BICD1: variants seen among roughly 807,000 people sequenced by gnomAD.
BICD1 encodes the protein protein bicaudal D homolog 1.
A neutral mutation model predicts 92.5 loss-of-function variants in BICD1; 35 were observed. The ratio of observed to expected loss-of-function variants is 0.38; its 90% CI spans 0.29 to 0.50. BICD1 has a LOEUF of 0.50. Ranked by LOEUF, BICD1 falls within the 20% of genes least tolerant of loss-of-function variation. BICD1 has a pLI of 0.93. For missense variants in BICD1, 950 were observed against 1,189.8 expected, an observed-to-expected ratio of 0.80 and a Z score of 2.97; for synonymous variants, 429 against 465.1, an observed-to-expected ratio of 0.92 and a Z score of 1.00.
At position 32,144,780 on chromosome 12, in the gene BICD1, A is replaced by G. The variant is rs370678790; in HGVS notation, c.213+37236A>G. On this transcript the variant is annotated intron_variant, in intron 1 of 9. Coordinates refer to ENST00000652176, the MANE Select transcript of BICD1 (RefSeq NM_001714.4). ...AGATTGAGATTCAAATATTAATCCAAACTACTCAGAATCACTTTCTCTTCC... is the reference window on the plus strand; with the variant it reads ...AGATTGAGATTCAAATATTAATCCAGACTACTCAGAATCACTTTCTCTTCC... Among the ~76,000 whole-genome samples, 3 of 152,366 alleles carry G rather than the reference A, an allele frequency of 2.0e-5. No homozygotes were observed. In the East Asian group the frequency reaches 5.8e-4, roughly 29 times the overall value.
chr12:32,158,095 GTTTTTTT>G (rs555722768), intron 1 of BICD1, among the ~76,000 whole-genome samples: 1 of 143,528 alleles, frequency 7.0e-6, no homozygotes, highest in African/African-American at 2.6e-5. Flanking sequence ...GAGCCTAGGG[GTTTTTTT>G]TTTCTTTTTT....
intron 2 of BICD1, among the ~76,000 whole-genome samples, chr12:32,246,794 C>T (rs934161554): frequency 5.3e-5 from 8 of 152,116 alleles, no homozygotes; most frequent in Non-Finnish European, 7.4e-5. Flanking sequence ...CAGCAAAAAA[C>T]AAGACAAAAC....
At chr12:32,166,230 G>A (rs1193924533) in intron 1 of BICD1, among the ~76,000 whole-genome samples, 1 of 151,820 alleles carries the variant, frequency 6.6e-6, no homozygotes, top group Non-Finnish European at 1.5e-5. Flanking sequence ...CTGTTTCCTG[G>A]GTTCAAGCGA....
intron 2 of BICD1, among the ~76,000 whole-genome samples, chr12:32,232,897 G>A (rs1388022595): frequency 2.0e-5 from 3 of 152,116 alleles, no homozygotes; most frequent in Non-Finnish European, 2.9e-5. Context: ...AGAAGGGGCC[G>A]AAACTTCTGG....
At chr12:32,369,015 G>C (rs1214329245) in intron 9 of BICD1, among the ~76,000 whole-genome samples, 1 of 152,212 alleles carries the variant, frequency 6.6e-6, no homozygotes, top group African/African-American at 2.4e-5. Context: ...AACTGAATTT[G>C]AAAGGTGGAG....
rs201830478 is a variant in BICD1 at position 32,337,695 on chromosome 12, G to C, written c.2449G>C (p.Gly817Arg). 1 of 1,614,146 alleles carries C rather than the reference G, an allele frequency of 6.2e-7. No individual in the cohort carries two copies. The highest frequency in any genetic ancestry group is 2.2e-5 in the East Asian group (1 of 44,880). Residue 817 changes from glycine to arginine, a missense_variant, in exon 7 of 10, where the codon GGC (glycine) becomes CGC (arginine). By Grantham distance (125) the Gly-to-Arg change is moderately radical. Around this residue, in one of 5 missense-constraint regions of BICD1, gnomAD observed 309 missense variants for 499.4 expected, o/e 0.62. Transcript: ENST00000652176. The surrounding 1 kb of genome is among the most constrained non-coding windows in gnomAD (Gnocchi z 4.7). Reference protein sequence around the residue: ...SKGKLGKSKIGSPKVSGEASV... With the variant: ...SKGKLGKSKIRSPKVSGEASV... Reference sequence around the variant, plus strand: ...AGGCAAACTTGGAAAGAGCAAGATCGGCAGCCCTAAAGTAAGTGGGGAGGC... The same window carrying C: ...AGGCAAACTTGGAAAGAGCAAGATCCGCAGCCCTAAAGTAAGTGGGGAGGC...
intron 2 of BICD1, among the ~76,000 whole-genome samples, chr12:32,283,363 C>CTCCAT (rs998056062): frequency 5.4e-5 from 8 of 147,580 alleles, no homozygotes; most frequent in African/African-American, 1.0e-4. Context: ...CATTTGACCA[C>CTCCAT]TCCACTCCAC....
intron 1 of BICD1, among the ~76,000 whole-genome samples, chr12:32,165,827 A>G (rs1810739053): frequency 6.6e-6 from 1 of 152,176 alleles, no homozygotes; most frequent in Non-Finnish European, 1.5e-5. Flanking sequence ...ATCTGTTCAA[A>G]AGCAAAACAT....
At chr12:32,234,010 T>G (rs1229805276) in intron 2 of BICD1, among the ~76,000 whole-genome samples, 1 of 152,206 alleles carries the variant, frequency 6.6e-6, no homozygotes, top group African/African-American at 2.4e-5. Flanking sequence ...ATGAGCTTAG[T>G]GATATCGTAA....
chr12:32,155,422 T>C (rs1943410005), intron 1 of BICD1, among the ~76,000 whole-genome samples: 1 of 152,240 alleles, frequency 6.6e-6, no homozygotes. Flanking sequence ...GCTGAGGATT[T>C]CAGCTAAATT....
chr12:32,247,656 A>G (rs978097055), intron 2 of BICD1, among the ~76,000 whole-genome samples: 2 of 151,870 alleles, frequency 1.3e-5, no homozygotes, highest in Admixed American at 1.3e-4. Flanking sequence ...GTGCACACTC[A>G]CTTCACTCTA....
intron 2 of BICD1, among the ~76,000 whole-genome samples, chr12:32,277,300 A>G (rs1947302980): frequency 6.6e-6 from 1 of 152,198 alleles, no homozygotes; most frequent in Admixed American, 6.5e-5. Context: ...AGGCTGAGAC[A>G]GGAAAATTGC....
At chr12:32,253,194 A>G (rs1254156513) in intron 2 of BICD1, among the ~76,000 whole-genome samples, 6 of 152,008 alleles carry the variant, frequency 3.9e-5, no homozygotes, top group Non-Finnish European at 7.4e-5. Flanking sequence ...GCATCTTACT[A>G]TGTTTATTAG....
rs1375406087 is a variant in BICD1 at position 32,346,602 on chromosome 12, ATATATATATACGTG to A, written c.2764+7634_2764+7647del. On this transcript the variant is annotated intron_variant, in intron 8 of 9. Coordinates refer to ENST00000652176, the MANE Select transcript of BICD1 (RefSeq NM_001714.4). ...TATATACGTGTATATATATATATAT[ATATATATATACGTG>A]TATATATATATATATATACGTGTAT... is the stretch of plus-strand genomic sequence containing the variant. Among the ~76,000 whole-genome samples, 7 of 15,784 alleles carry A rather than the reference ATATATATATACGTG, an allele frequency of 4.4e-4. 3 individuals carry two copies. The highest frequency in any genetic ancestry group is 6.2e-4 in the Non-Finnish European group (7 of 11,318). The allele number at this position is 15,784 out of a possible 152,430, so 10.4% of individuals were successfully genotyped here.
At chr12:32,140,459 C>T (rs973325588) in intron 1 of BICD1, among the ~76,000 whole-genome samples, 3 of 151,910 alleles carry the variant, frequency 2.0e-5, no homozygotes, top group Non-Finnish European at 2.9e-5. Flanking sequence ...AAGAATACAA[C>T]ATCTTGTTTG....
chr12:32,200,895 A>T (rs760366907), intron 1 of BICD1, among the ~76,000 whole-genome samples: 47 of 152,238 alleles, frequency 3.1e-4, no homozygotes, highest in Non-Finnish European at 6.0e-4. Context: ...GTCCAAATAC[A>T]GAACAAAGGA....
At chr12:32,322,455 C>T (rs560943859) in intron 4 of BICD1, among the ~76,000 whole-genome samples, 5 of 152,232 alleles carry the variant, frequency 3.3e-5, no homozygotes, top group East Asian at 1.9e-4. Context: ...CCCTCGCATG[C>T]GCAGTTCACA....
intron 2 of BICD1, among the ~76,000 whole-genome samples, chr12:32,241,033 A>ATTAT (rs1946222085): frequency 6.6e-6 from 1 of 152,200 alleles, no homozygotes; most frequent in Non-Finnish European, 1.5e-5. Context: ...CTCCAAGGTC[A>ATTAT]GACAGTATTA....
At chr12:32,215,232 A>AG (rs1334634512) in intron 1 of BICD1, among the ~76,000 whole-genome samples, 1 of 151,874 alleles carries the variant, frequency 6.6e-6, no homozygotes, top group Non-Finnish European at 1.5e-5. Flanking sequence ...CATCTCAAAA[A>AG]GAAAAAAGAA....
Sources: allele counts gnomAD v4.1 joint callset (sites outside exome capture counted in the v4.1 genomes callset), GRCh38; gene constraint gnomAD v4.1.1; regional missense constraint gnomAD v4.1.1; non-coding constraint Gnocchi (gnomAD v3.1); transcripts MANE v1.5; gene names NCBI Gene and HGNC (gene_info 2026-07-23, HGNC 2026-07-21).